The following SCMH1 variants were observed in gnomAD, a reference collection of about 807,000 sequenced individuals.
SCMH1 encodes Scm polycomb group protein homolog 1.
A neutral mutation model predicts 70.8 loss-of-function variants in SCMH1; 37 were observed. That is an observed-to-expected ratio of 0.52 (90% confidence interval 0.40 to 0.69). SCMH1 has a LOEUF of 0.69. SCMH1 is among the 30% of genes least tolerant of loss of function. The pLI is 0.00. For missense variants in SCMH1, 607 were observed against 827.3 expected (o/e 0.73, Z 3.27); for synonymous variants, 292 against 307.4 (o/e 0.95, Z 0.52).
intron 13 of SCMH1, 30 bp downstream of exon 14, chr1:41,033,953 A>C: frequency 1.9e-6 from 3 of 1,613,234 alleles, no homozygotes; most frequent in Non-Finnish European, 2.5e-6. Context: ...GCCTTGGGGA[A>C]GATAAAAATA....
intron 1 of SCMH1, among the ~76,000 whole-genome samples, chr1:41,226,717 A>G (rs1176368838): frequency 6.6e-6 from 1 of 152,216 alleles, no homozygotes; most frequent in Non-Finnish European, 1.5e-5. Flanking sequence ...ATTCTGACAT[A>G]TATTAATCAA....
intron 1 of SCMH1, among the ~76,000 whole-genome samples, chr1:41,230,996 G>A (rs951742011): frequency 4.6e-5 from 7 of 152,158 alleles, no homozygotes; most frequent in African/African-American, 1.4e-4. Flanking sequence ...TGGTTTGTGG[G>A]AGTGGCACAA....
chr1:41,201,790 A>G (rs1176580136), intron 1 of SCMH1, among the ~76,000 whole-genome samples: 3 of 152,200 alleles, frequency 2.0e-5, no homozygotes, highest in Non-Finnish European at 4.4e-5. Context: ...GATATCATTG[A>G]TTTTTTTAAA....
At chr1:41,152,587 C>G (rs761053179) in intron 4 of SCMH1, 1 of 1,613,976 alleles carries the variant, frequency 6.2e-7, no homozygotes, top group South Asian at 1.1e-5. Context: ...CCAGTCTCCC[C>G]CTAATACCCA....
intron 1 of SCMH1, among the ~76,000 whole-genome samples, chr1:41,213,707 C>G (rs1441179074): frequency 6.6e-6 from 1 of 152,132 alleles, no homozygotes; most frequent in Non-Finnish European, 1.5e-5. Flanking sequence ...TAAAAATATA[C>G]AAGTTTAACT....
intron 13 of SCMH1, chr1:41,033,997 A>C: frequency 1.9e-6 from 3 of 1,614,086 alleles, no homozygotes; most frequent in Non-Finnish European, 2.5e-6. Flanking sequence ...GGAACGATTT[A>C]GTTTCCAAAA....
At chr1:41,231,872 A>G (rs1038556308) in intron 1 of SCMH1, among the ~76,000 whole-genome samples, 1 of 152,006 alleles carries the variant, frequency 6.6e-6, no homozygotes, top group Non-Finnish European at 1.5e-5. Flanking sequence ...AATACAAAAA[A>G]TTAGCCGGGT....
At chr1:41,070,704 C>A (rs767475554) in exon 10 of SCMH1, 2 of 1,614,062 alleles carry the variant, frequency 1.2e-6, no homozygotes, top group Non-Finnish European at 1.7e-6. Flanking sequence ...GTGGGTTCAG[C>A]AAAGTCCGAG....
At chr1:41,074,782 C>G (rs1657685615) in intron 9 of SCMH1, among the ~76,000 whole-genome samples, 1 of 152,200 alleles carries the variant, frequency 6.6e-6, no homozygotes, top group Admixed American at 6.5e-5. Flanking sequence ...GGAAATTCCT[C>G]TTATAAGATA....
At chr1:41,181,184 T>C (rs1016083498) in intron 2 of SCMH1, among the ~76,000 whole-genome samples, 2 of 152,156 alleles carry the variant, frequency 1.3e-5, no homozygotes, top group African/African-American at 4.8e-5. Flanking sequence ...TTACACCTTA[T>C]ACAAAAATTA....
chr1:41,042,696 C>T (rs1406868353), intron 12 of SCMH1, among the ~76,000 whole-genome samples: 1 of 152,150 alleles, frequency 6.6e-6, no homozygotes, highest in Non-Finnish European at 1.5e-5. Flanking sequence ...TTTGCTGGGC[C>T]AGAGTACCTC....
At chr1:41,094,260 T>A (rs1395062348) in intron 8 of SCMH1, among the ~76,000 whole-genome samples, 1 of 152,180 alleles carries the variant, frequency 6.6e-6, no homozygotes, top group Non-Finnish European at 1.5e-5. Flanking sequence ...TTGGTCCCCC[T>A]GCAACATGTG....
At chr1:41,238,564 T>C (rs1050695731) in intron 1 of SCMH1, among the ~76,000 whole-genome samples, 6 of 152,202 alleles carry the variant, frequency 3.9e-5, no homozygotes, top group African/African-American at 1.4e-4. Context: ...CTATCTTTAC[T>C]GCACCTGGGT....
intron 8 of SCMH1, among the ~76,000 whole-genome samples, chr1:41,101,539 G>A (rs1290731823): frequency 6.6e-6 from 1 of 152,118 alleles, no homozygotes; most frequent in Non-Finnish European, 1.5e-5. Flanking sequence ...AGCTCATTCT[G>A]GTGGATATAC....
chr1:41,073,147 A>T (rs1391532917), intron 9 of SCMH1, among the ~76,000 whole-genome samples: 1 of 152,174 alleles, frequency 6.6e-6, no homozygotes, highest in Admixed American at 6.5e-5. Context: ...TAACCCAACC[A>T]TCTACCCAAT....
chr1:41,161,305 T>C, intron 3 of SCMH1, 59 bp downstream of exon 3: 1 of 1,545,528 alleles, frequency 6.5e-7, no homozygotes, highest in Non-Finnish European at 8.7e-7. Flanking sequence ...ACGAAGGTTT[T>C]ATGGGAAAAG....
At chr1:41,112,597 TTATAA>T (rs1036863069) in intron 8 of SCMH1, among the ~76,000 whole-genome samples, 3 of 152,028 alleles carry the variant, frequency 2.0e-5, no homozygotes, top group South Asian at 2.1e-4. Context: ...TATGATATAG[TTATAA>T]TATAGAATAT....
At chr1:41,064,358 A>C (rs1653837190) in intron 10 of SCMH1, among the ~76,000 whole-genome samples, 1 of 152,144 alleles carries the variant, frequency 6.6e-6, no homozygotes, top group African/African-American at 2.4e-5. Flanking sequence ...CTCTCTTACC[A>C]CTCCTCTTCA....
At chr1:41,060,462 G>GGAA (rs1558534810) in intron 10 of SCMH1, among the ~76,000 whole-genome samples, 1 of 124,858 alleles carries the variant, frequency 8.0e-6, no homozygotes, top group Non-Finnish European at 1.8e-5. Context: ...ATGTGAGGGA[G>GGAA]AAAAAAAAAA....
Sources: gnomAD v4.1 joint callset for allele counts (sites outside exome capture counted in the v4.1 genomes callset) on GRCh38, gnomAD v4.1.1 for gene constraint, MANE v1.5 for transcripts, NCBI Gene and HGNC (gene_info 2026-07-23, HGNC 2026-07-21) for gene names.